RNF130: variants seen among roughly 807,000 people sequenced by gnomAD.
RNF130 encodes the protein ring finger protein 130.
Under a neutral mutation model 44.6 loss-of-function variants are expected in RNF130, and 21 were observed. The ratio of observed to expected loss-of-function variants is 0.47; its 90% CI spans 0.33 to 0.68. The LOEUF (loss-of-function observed/expected upper bound fraction) is 0.68. RNF130 is among the 30% of genes least tolerant of loss of function. RNF130 has a pLI of 0.02. For missense variants in RNF130, 479 were observed against 560.6 expected (o/e 0.85, Z 1.47); for synonymous variants, 214 against 210.4 (o/e 1.02, Z -0.15).
At chr5:180,056,445 G>C (rs1201550265) in intron 1 of RNF130, among the ~76,000 whole-genome samples, 1 of 152,140 alleles carries the variant, frequency 6.6e-6, no homozygotes, top group African/African-American at 2.4e-5. Flanking sequence ...GAGATATTTA[G>C]GAGTTTGGAT....
In RNF130 at chr5:179,963,935, CCTT is replaced by C. The variant is rs1762385833; in HGVS notation, c.1151-374_1151-372del. The stretch of plus-strand genomic sequence containing the variant: ...TAAAGTAGACTAAGCATATTTATAA[CCTT>C]CTTTCCTTCTTCATTCTGTCATTTC... On this transcript the variant is annotated intron_variant, in intron 7 of 8. Transcript: ENST00000521389. 13 of 187,382 alleles carry C rather than the reference CCTT, an allele frequency of 6.9e-5. No individual in the cohort carries two copies. The South Asian group carries it at 1.5e-3, about 21-fold the overall frequency. 11.6% of individuals were successfully genotyped at this position (187,382 alleles called of 1,614,324 possible).
At chr5:179,957,929 G>C (rs926809637) in intron 8 of RNF130, among the ~76,000 whole-genome samples, 2 of 150,830 alleles carry the variant, frequency 1.3e-5, no homozygotes, top group Admixed American at 6.6e-5. Flanking sequence ...CCAGGCTGGA[G>C]TGCAGTGGCG....
At chr5:180,020,563 C>G (rs1225812765) in intron 2 of RNF130, among the ~76,000 whole-genome samples, 1 of 152,180 alleles carries the variant, frequency 6.6e-6, no homozygotes, top group Non-Finnish European at 1.5e-5. Flanking sequence ...TTCCTGAGGA[C>G]AGTGGGCTAC....
At chr5:180,004,650 A>G (rs957646501) in intron 3 of RNF130, among the ~76,000 whole-genome samples, 9 of 152,256 alleles carry the variant, frequency 5.9e-5, no homozygotes, top group African/African-American at 1.9e-4. Flanking sequence ...ATTGGCAGAA[A>G]ACAAGTTAAA....
chr5:180,038,293 A>G (rs1468956420), intron 2 of RNF130, among the ~76,000 whole-genome samples: 1 of 151,232 alleles, frequency 6.6e-6, no homozygotes, highest in East Asian at 1.9e-4. Flanking sequence ...GGGCTCAAGC[A>G]ATCCTCCTAC....
chr5:180,030,225 A>T (rs1459270006), intron 2 of RNF130, among the ~76,000 whole-genome samples: 1 of 152,156 alleles, frequency 6.6e-6, no homozygotes, highest in Non-Finnish European at 1.5e-5. Flanking sequence ...AAATAAAAGT[A>T]AAAAAAGATC....
At chr5:179,948,266 C>T (rs1181492108) in intron 7 of RNF130, among the ~76,000 whole-genome samples, 1 of 152,112 alleles carries the variant, frequency 6.6e-6, no homozygotes, top group Middle Eastern at 3.2e-3. Flanking sequence ...CCTGGTACAC[C>T]CTAAGTGATC....
chr5:179,963,207 C>T (rs1311220977), intron 8 of RNF130, among the ~76,000 whole-genome samples: 1 of 152,242 alleles, frequency 6.6e-6, no homozygotes, highest in African/African-American at 2.4e-5. Flanking sequence ...CATTACACTG[C>T]TGATTCATTC....
intron 3 of RNF130, among the ~76,000 whole-genome samples, chr5:180,008,718 C>A (rs1261215945): frequency 6.6e-6 from 1 of 151,926 alleles, no homozygotes; most frequent in African/African-American, 2.4e-5. Flanking sequence ...AACCTCATCT[C>A]TACCAAAAAA....
chr5:179,941,763 T>C (rs945790982), intron 7 of RNF130, among the ~76,000 whole-genome samples: 3 of 152,220 alleles, frequency 2.0e-5, no homozygotes, highest in East Asian at 3.9e-4. Flanking sequence ...ATATTTCTAG[T>C]TCTTCTTGAT....
chr5:179,985,850 T>C (rs1001419770), intron 3 of RNF130, among the ~76,000 whole-genome samples: 4 of 152,324 alleles, frequency 2.6e-5, no homozygotes, highest in Admixed American at 2.6e-4. Flanking sequence ...AATAGGGCAC[T>C]TTCATCAATA....
intron 3 of RNF130, among the ~76,000 whole-genome samples, chr5:179,997,001 G>A (rs10054764): frequency 0.15 from 22,974 of 152,068 alleles, 1,928 homozygotes; most frequent in Admixed American, 0.19. Flanking sequence ...ACTCATAACT[G>A]GTCTGTTTGA....
At chr5:180,007,646 C>T (rs1763491348) in intron 3 of RNF130, among the ~76,000 whole-genome samples, 1 of 152,180 alleles carries the variant, frequency 6.6e-6, no homozygotes, top group Non-Finnish European at 1.5e-5. Flanking sequence ...CATCACTTTC[C>T]ACCACAGTAG....
At chr5:179,935,505 T>C (rs912901750) in intron 7 of RNF130, among the ~76,000 whole-genome samples, 2 of 139,166 alleles carry the variant, frequency 1.4e-5, no homozygotes, top group African/African-American at 5.3e-5. Flanking sequence ...TCATTAAAGA[T>C]ATGTCAGCAC....
chr5:180,051,312 C>T (rs1447540185), intron 1 of RNF130, among the ~76,000 whole-genome samples: 1 of 151,700 alleles, frequency 6.6e-6, no homozygotes, highest in Non-Finnish European at 1.5e-5. Context: ...TGCAGTGGTG[C>T]GATCTCGGCT....
intron 7 of RNF130, among the ~76,000 whole-genome samples, chr5:179,942,410 A>G (rs114603477): frequency 7.5e-4 from 114 of 152,184 alleles, no homozygotes; most frequent in African/African-American, 2.6e-3. Context: ...CAAATTTTGG[A>G]AAAAAAGAAT....
At chr5:179,926,014 T>C (rs1157552003) in intron 7 of RNF130, among the ~76,000 whole-genome samples, 1 of 152,156 alleles carries the variant, frequency 6.6e-6, no homozygotes, top group African/African-American at 2.4e-5. Context: ...TTTCCATTCT[T>C]GTGATTCTGA....
At chr5:179,956,629 C>G (rs929670288) in intron 8 of RNF130, 1 of 152,660 alleles carries the variant, frequency 6.6e-6, no homozygotes, top group Admixed American at 6.5e-5. Context: ...TGATCCTGCT[C>G]TGTGCGGTCC....
At chr5:179,949,551 A>G (rs1762094959) in intron 7 of RNF130, among the ~76,000 whole-genome samples, 1 of 152,200 alleles carries the variant, frequency 6.6e-6, no homozygotes, top group Non-Finnish European at 1.5e-5. Flanking sequence ...TTGCATTACA[A>G]AAGTTTGTCC....
Sources: allele counts gnomAD v4.1 joint callset (sites outside exome capture counted in the v4.1 genomes callset), GRCh38; gene constraint gnomAD v4.1.1; transcripts MANE v1.5; gene names NCBI Gene and HGNC (gene_info 2026-07-23, HGNC 2026-07-21).